Variants in EPCAM observed in about 807,000 individuals in gnomAD.
The protein encoded by EPCAM is adenocarcinoma-associated antigen.
Under a neutral mutation model 40.0 loss-of-function variants are expected in EPCAM, and 39 were observed. That is an observed-to-expected ratio of 0.98 (90% CI 0.76 to 1.27). The LOEUF (loss-of-function observed/expected upper bound fraction) is 1.27, where lower values mean the gene tolerates loss of function less well. EPCAM is among the 50% of genes most tolerant of loss of function. EPCAM has a pLI of 0.00. For synonymous variants in EPCAM, 168 were observed against 132.3 expected (o/e 1.27, Z -1.85); for missense variants, 503 against 381.2 (o/e 1.32, Z -2.66).
At chr2:47,375,354 A>G (rs1447457772) in intron 4 of EPCAM, 55 bp downstream of exon 4, 1 of 1,104,740 alleles carries the variant, frequency 9.1e-7, no homozygotes, top group Non-Finnish European at 1.4e-6. Flanking sequence ...CAAATCTTCC[A>G]TCCTACACCA....
At chr2:47,377,144 C>G (rs1243381354) in intron 5 of EPCAM, 67 bp downstream of exon 5, 1 of 1,065,916 alleles carries the variant, frequency 9.4e-7, no homozygotes, top group Non-Finnish European at 1.5e-6. Flanking sequence ...AGTATAAGGA[C>G]AGCCAGTGAT....
rs928224573 is a variant in EPCAM, at chr2:47,373,222, A to C, written c.77-241A>C. ...CCTATCTTTAAAAAAAAAAAAAAAA[A>C]AAAAAAAAAAAAACAGGAATGCATG... On this transcript the variant is annotated intron_variant, in intron 1 of 8. Coordinates refer to ENST00000263735, the MANE Select transcript of EPCAM (RefSeq NM_002354.3). Among the ~76,000 whole-genome samples, 29 of 150,118 alleles carry C rather than the reference A, an allele frequency of 1.9e-4. 1 individual carries two copies. The highest frequency in any genetic ancestry group is 4.9e-4 in the African/African-American group (20 of 40,918).
At chr2:47,373,205 T>TAAAAAAAA (rs777057814) in intron 1 of EPCAM, among the ~76,000 whole-genome samples, 34 of 65,052 alleles carry the variant, frequency 5.2e-4, no homozygotes, top group Non-Finnish European at 8.6e-4. Context: ...ACCCTATCTT[T>TAAAAAAAA]AAAAAAAAAA....
intron 7 of EPCAM, among the ~76,000 whole-genome samples, chr2:47,380,813 G>A (rs1028138274): frequency 7.2e-5 from 11 of 152,236 alleles, no homozygotes; most frequent in Admixed American, 4.6e-4. Context: ...CACTGGCCAG[G>A]TGTGATGGCT....
chr2:47,369,618 C>A, intron 1 of EPCAM, 37 bp downstream of exon 1: 2 of 1,561,740 alleles, frequency 1.3e-6, no homozygotes, highest in South Asian at 1.2e-5. Flanking sequence ...TGGAGCTGGG[C>A]TGGGCTGGGG....
intron 5 of EPCAM, among the ~76,000 whole-genome samples, chr2:47,377,427 G>A (rs1671455816): frequency 6.6e-6 from 1 of 151,874 alleles, no homozygotes; most frequent in Non-Finnish European, 1.5e-5. Context: ...AGTGTCGGCG[G>A]GGTTTTGCTA....
In EPCAM at chr2:47,369,364, C is replaced by T. The variant is rs912839724; in HGVS notation, c.-142C>T. The stretch of plus-strand genomic sequence containing the variant: ...CACCTTCGACGCGGTCCGGGGACCC[C>T]CTCGTCGCTGTCCTCCCGACGCGGA... On this transcript the variant is annotated 5_prime_UTR_variant, in exon 1 of 9. Transcript: ENST00000263735. 9.1e-6 allele frequency: 11 copies of T among 1,207,632 alleles called. No individual in the cohort carries two copies. The highest frequency in any genetic ancestry group is 3.2e-5 in the African/African-American group (2 of 62,332). The allele number at this position is 1,207,632 out of a possible 1,614,324, so 74.8% of individuals were successfully genotyped here.
intron 7 of EPCAM, among the ~76,000 whole-genome samples, chr2:47,382,379 A>G (rs898819368): frequency 1.3e-5 from 2 of 152,240 alleles, no homozygotes; most frequent in East Asian, 3.8e-4. Flanking sequence ...TTATTGTATC[A>G]TAGCATTGCT....
chr2:47,369,482 C>T lies in EPCAM; in HGVS notation c.-24C>T, dbSNP rs1012434428. 3 of 1,515,902 alleles carry T rather than the reference C, an allele frequency of 2.0e-6. No homozygotes were observed. Among genetic ancestry groups the T allele is most frequent in the Non-Finnish European group, 2.6e-6 (3 of 1,136,156 alleles). 93.9% of individuals were successfully genotyped at this position (1,515,902 alleles called of 1,614,324 possible). ...CGCGAGTCCCGGGCCCCTCCCGCGC[C>T]CCTCTTCTCGGCGCGCGCGCAGCAT... On this transcript the variant is annotated 5_prime_UTR_variant, in exon 1 of 9. Transcript: ENST00000263735.
intron 1 of EPCAM, 49 bp downstream of exon 1, chr2:47,369,630 G>A (rs757963053): frequency 7.9e-6 from 12 of 1,518,336 alleles, no homozygotes; most frequent in African/African-American, 1.4e-5. Flanking sequence ...GGGCTGGGGG[G>A]CAGCGGCCCC....
chr2:47,369,352 G>T lies in EPCAM; in HGVS notation c.-154G>T. ...TCGGCGAGCGAGCACCTTCGACGCG[G>T]TCCGGGGACCCCCTCGTCGCTGTCC... On this transcript the variant is annotated 5_prime_UTR_variant, in exon 1 of 9. Transcript: ENST00000263735. 8.1e-7 allele frequency: 1 copy of T among 1,236,956 alleles called. No individual in the cohort carries two copies. The highest frequency in any genetic ancestry group is 1.8e-5 in the South Asian group (1 of 56,098). 76.6% of individuals were successfully genotyped at this position (1,236,956 alleles called of 1,614,324 possible).
At chr2:47,380,005 A>T (rs191194897) in intron 7 of EPCAM, 36 bp downstream of exon 7, 20 of 1,573,756 alleles carry the variant, frequency 1.3e-5, no homozygotes, top group Non-Finnish European at 1.6e-5. Flanking sequence ...ATTTAAGGGT[A>T]TATTTTTTCA....
intron 3 of EPCAM, among the ~76,000 whole-genome samples, chr2:47,374,965 A>C (rs1225032343): frequency 6.6e-6 from 1 of 152,138 alleles, no homozygotes. Context: ...TTTTTAGTTG[A>C]ACAGGGCATG....
intron 1 of EPCAM, among the ~76,000 whole-genome samples, chr2:47,371,641 T>A (rs1671273413): frequency 6.6e-6 from 1 of 152,194 alleles, no homozygotes; most frequent in Non-Finnish European, 1.5e-5. Flanking sequence ...CTGCTACAGG[T>A]TTGTGCTCAG....
chr2:47,386,469 T>A, intron 8 of EPCAM, 103 bp from the exon 9 acceptor site: 1 of 866,658 alleles, frequency 1.2e-6, no homozygotes, highest in Non-Finnish European at 1.8e-6. Context: ...GAAAAAATTA[T>A]CTTGTGTTCC....
intron 7 of EPCAM, chr2:47,383,281 G>A (rs1381067004): frequency 3.3e-5 from 5 of 151,528 alleles, no homozygotes; most frequent in South Asian, 2.1e-4. Context: ...ACTCCAGCCT[G>A]GGTGACAGAG....
At chr2:47,382,810 G>A (rs972269426) in intron 7 of EPCAM, among the ~76,000 whole-genome samples, 3 of 152,162 alleles carry the variant, frequency 2.0e-5, no homozygotes, top group Non-Finnish European at 2.9e-5. Context: ...GAATGAGTTC[G>A]ATCTTTATCT....
chr2:47,380,517 TA>T (rs779700111), intron 7 of EPCAM, among the ~76,000 whole-genome samples: 4 of 152,198 alleles, frequency 2.6e-5, no homozygotes, highest in Non-Finnish European at 5.9e-5. Context: ...ACAGGCCAGT[TA>T]AATTGCCATC....
intron 1 of EPCAM, among the ~76,000 whole-genome samples, chr2:47,370,727 A>T (rs997624240): frequency 8.7e-5 from 12 of 137,674 alleles, no homozygotes; most frequent in African/African-American, 1.0e-4. Context: ...TTTATTATTT[A>T]TTATTATTAT....
Sources: allele counts gnomAD v4.1 joint callset (sites outside exome capture counted in the v4.1 genomes callset), GRCh38; gene constraint gnomAD v4.1.1; transcripts MANE v1.5; gene names NCBI Gene and HGNC (gene_info 2026-07-23, HGNC 2026-07-21).